ARMC9: variants seen among roughly 807,000 people sequenced by gnomAD.
ARMC9 encodes the protein armadillo repeat containing 9.
A neutral mutation model predicts 107.0 loss-of-function variants in ARMC9; 94 were observed. The ratio of observed to expected loss-of-function variants is 0.88; its 90% confidence interval spans 0.74 to 1.04. ARMC9 has a LOEUF of 1.04. ARMC9 is among the 50% of genes least tolerant of loss of function. ARMC9 has a pLI of 0.00. For missense variants in ARMC9, 942 were observed against 1,030.1 expected (o/e 0.91, Z 1.17); for synonymous variants, 380 against 396.9 (o/e 0.96, Z 0.51).
chr2:231,249,294 T>G (rs2037066675), intron 9 of ARMC9, among the ~76,000 whole-genome samples: 1 of 152,056 alleles, frequency 6.6e-6, no homozygotes, highest in South Asian at 2.1e-4. Flanking sequence ...TGCCATCCAG[T>G]GAGATTCCCA....
intron 14 of ARMC9, among the ~76,000 whole-genome samples, chr2:231,274,111 T>C (rs2039567018): frequency 6.6e-6 from 1 of 152,182 alleles, no homozygotes; most frequent in South Asian, 2.1e-4. Flanking sequence ...CCATTATGGC[T>C]ACATCATATT....
At position 231,360,850 on chromosome 2, in the gene ARMC9, C is replaced by T. The variant is rs144639126; in HGVS notation, c.2228C>T (p.Ala743Val). The T allele has an allele frequency of 2.4e-4, 370 of 1,535,056 alleles. 1 individual carries two copies. In the African/African-American group the frequency reaches 3.7e-3, roughly 15 times the overall value. ...GGGACCCCCCGCCAGCCAAGGGAGG[C>T]GCCCCAGGACCCAGGCAATGGAGTG... The part of the protein sequence containing the change: ...PTGTPRQPRE[A>V]PQDPGNGVTT... Residue 743 changes from alanine (A) to valine (V), a missense_variant, in exon 23 of 25, where the codon GCG becomes GTG. Ala to Val is a moderately conservative substitution (Grantham distance 64). Coordinates refer to ENST00000611582, the MANE Select transcript of ARMC9 (RefSeq NM_001352754.2). The surrounding 1 kb of genome is among the most constrained non-coding windows in gnomAD (Gnocchi z 4.7).
intron 21 of ARMC9, among the ~76,000 whole-genome samples, chr2:231,346,261 C>T (rs188815958): frequency 6.6e-6 from 1 of 152,314 alleles, no homozygotes; most frequent in East Asian, 1.9e-4. Context: ...GTGGCTCACA[C>T]CTGTAATCCC....
At chr2:231,241,363 C>T (rs1473204433) in intron 9 of ARMC9, among the ~76,000 whole-genome samples, 2 of 152,138 alleles carry the variant, frequency 1.3e-5, no homozygotes, top group East Asian at 1.9e-4. Context: ...TTGAGGCAGG[C>T]ATTCTTAACC....
chr2:231,354,219 C>G (rs1043530465), intron 21 of ARMC9, among the ~76,000 whole-genome samples: 1 of 142,240 alleles, frequency 7.0e-6, no homozygotes, highest in Non-Finnish European at 1.5e-5. Context: ...ATCACTTGAG[C>G]TCAGTTCAAA....
chr2:231,204,816 A>T (rs2031713358), intron 1 of ARMC9, among the ~76,000 whole-genome samples: 1 of 152,130 alleles, frequency 6.6e-6, no homozygotes, highest in African/African-American at 2.4e-5. Context: ...TTGGGTGTTC[A>T]GTGGGTGTCC....
Position 231,358,796 on chromosome 2 carries a change from A to T in ARMC9, c.2132-1958A>T. On this transcript the variant is annotated intron_variant, in intron 22 of 24. Transcript: ENST00000611582. The surrounding 1 kb of genome is among the most constrained non-coding windows in gnomAD (Gnocchi z 4.5). ...ACATTCTAGGCAAAAGACAGCCCCA[A>T]ATGCCAACAGGAAATAGTTCCCAAG... is the stretch of plus-strand genomic sequence containing the variant. Among the ~76,000 whole-genome samples, 1 of 152,204 alleles carries T rather than the reference A, an allele frequency of 6.6e-6. No homozygotes were observed. Among genetic ancestry groups the T allele is most frequent in the East Asian group, 1.9e-4 (1 of 5,192 alleles).
chr2:231,302,094 T>G (rs374988642), intron 19 of ARMC9, among the ~76,000 whole-genome samples: 2 of 152,336 alleles, frequency 1.3e-5, no homozygotes, highest in African/African-American at 4.8e-5. Flanking sequence ...CTTTTAAGAT[T>G]TTAATTTTTT....
At position 231,255,764 on chromosome 2, in the gene ARMC9, G is replaced by A. The variant is rs369262781; in HGVS notation, c.880-822G>A. Among the ~76,000 whole-genome samples the A allele has an allele frequency of 7.9e-5, 12 of 152,300 alleles. No individual in the cohort carries two copies. The highest frequency in any genetic ancestry group is 2.6e-4 in the African/African-American group (11 of 41,572). ...AAAACTTTGCACATCTGGGCCAGGC[G>A]CAGTGGCTCACGCCTGTAATCCCAA... is the stretch of plus-strand genomic sequence containing the variant. On this transcript the variant is annotated intron_variant, in intron 9 of 24. Transcript: ENST00000611582. The surrounding 1 kb of genome is among the most constrained non-coding windows in gnomAD (Gnocchi z 4.7).
chr2:231,316,664 CAA>C (rs780066527), intron 19 of ARMC9, among the ~76,000 whole-genome samples: 3 of 130,846 alleles, frequency 2.3e-5, no homozygotes, highest in Non-Finnish European at 3.3e-5. Context: ...GACTCCATCT[CAA>C]AAAAAAAAAA....
intron 5 of ARMC9, among the ~76,000 whole-genome samples, chr2:231,220,989 G>A (rs915013464): frequency 6.6e-6 from 1 of 152,206 alleles, no homozygotes; most frequent in Non-Finnish European, 1.5e-5. Context: ...GTGGTTGAGC[G>A]TAGACCACCT....
At chr2:231,350,423 C>T (rs1453322473) in intron 21 of ARMC9, among the ~76,000 whole-genome samples, 5 of 152,128 alleles carry the variant, frequency 3.3e-5, no homozygotes, top group Non-Finnish European at 5.9e-5. Context: ...CAGGATGACT[C>T]TCCAGTCCTT....
At chr2:231,254,560 C>T (rs183143839) in intron 9 of ARMC9, among the ~76,000 whole-genome samples, 10 of 151,490 alleles carry the variant, frequency 6.6e-5, no homozygotes, top group African/African-American at 1.2e-4. Flanking sequence ...GGCGCACACC[C>T]GTAATCCCAG....
chr2:231,275,443 C>T (rs1188977665), intron 14 of ARMC9, among the ~76,000 whole-genome samples: 2 of 152,222 alleles, frequency 1.3e-5, no homozygotes, highest in East Asian at 3.8e-4. Context: ...CACCATCACA[C>T]ATTTTGATGG....
chr2:231,200,184 AT>A (rs1345787451), intron 1 of ARMC9, among the ~76,000 whole-genome samples: 2 of 152,126 alleles, frequency 1.3e-5, no homozygotes, highest in Non-Finnish European at 2.9e-5. Flanking sequence ...AGAGAGTAAT[AT>A]GCGCAAAGGC....
At chr2:231,302,762 G>A (rs956749590) in intron 19 of ARMC9, among the ~76,000 whole-genome samples, 2 of 152,030 alleles carry the variant, frequency 1.3e-5, no homozygotes, top group East Asian at 1.9e-4. Flanking sequence ...CAGCACTTTC[G>A]GAGCCCCAGG....
chr2:231,207,906 G>A (rs528103484), intron 2 of ARMC9, among the ~76,000 whole-genome samples: 44 of 152,046 alleles, frequency 2.9e-4, no homozygotes, highest in African/African-American at 9.4e-4. Context: ...TTTATCTTTC[G>A]TCTTTTTTGT....
In ARMC9 at chr2:231,262,337, G is replaced by A. The variant is rs1241209726; in HGVS notation, c.1058G>A (p.Arg353Lys). The stretch of plus-strand genomic sequence containing the variant: ...ACCACATCCCATCCTGGAGAGCAGA[G>A]GGAGACCGTTCTGCAAGCCTACATC... ...RLTTSHPGEQ[R>K]ETVLQAYISN... is the part of the protein sequence containing the mutation. The change falls in exon 12 of 25, where the codon AGG becomes AAG. Residue 353 changes from arginine (R) to lysine (K), a missense_variant. Coordinates refer to ENST00000611582, the MANE Select transcript of ARMC9 (RefSeq NM_001352754.2). The A allele has an allele frequency of 6.2e-7, 1 of 1,614,070 alleles. No individual in the cohort carries two copies. The highest frequency in any genetic ancestry group is 2.2e-5 in the East Asian group (1 of 44,892).
chr2:231,285,213 A>AT (rs2040501401), intron 17 of ARMC9, among the ~76,000 whole-genome samples: 2 of 152,048 alleles, frequency 1.3e-5, no homozygotes, highest in South Asian at 4.2e-4. Context: ...GAAAAAAAAA[A>AT]TTATAGCGGT....
Sources: gnomAD v4.1 joint callset for allele counts (sites outside exome capture counted in the v4.1 genomes callset) on GRCh38, gnomAD v4.1.1 for gene constraint, Gnocchi (gnomAD v3.1) non-coding constraint, MANE v1.5 for transcripts, NCBI Gene and HGNC (gene_info 2026-07-23, HGNC 2026-07-21) for gene names.